Variants in ROR2 observed in about 807,000 individuals in gnomAD.
ROR2 encodes the protein ROR family WNT receptor 2.
Under a neutral mutation model 74.9 loss-of-function variants are expected in ROR2, and 33 were observed. The ratio of observed to expected loss-of-function variants is 0.44; its 90% CI spans 0.33 to 0.59. The LOEUF is 0.59. Among genes scored for constraint, ROR2 ranks in the 20% least tolerant of loss-of-function variants. The probability of loss-of-function intolerance (pLI) is 0.02; values close to 1 mark genes in which losing one functional copy is unlikely to be tolerated. For synonymous variants in ROR2, 586 were observed against 558.7 expected, an observed-to-expected ratio of 1.05 and a Z score of -0.69; for missense variants, 1,216 against 1,313.8, an observed-to-expected ratio of 0.93 and a Z score of 1.15.
At chr9:91,840,492 G>C (rs1386308992) in intron 1 of ROR2, among the ~76,000 whole-genome samples, 6 of 152,200 alleles carry the variant, frequency 3.9e-5, no homozygotes, top group Non-Finnish European at 8.8e-5. Flanking sequence ...AGAGATGTCT[G>C]ACGTTTTCTT....
rs374046428 is a variant in ROR2 at position 91,950,207 on chromosome 9, G to A, written c.-244C>T. The stretch of plus-strand genomic sequence containing the variant: ...GGCTGGGGCGTCCCGCCGGCCGCCA[G>A]GACGAGCGCGGGGGGCGGACCGCGG... On this transcript the variant is annotated 5_prime_UTR_variant, in exon 1 of 9. Transcript: ENST00000375708. 88 of 256,224 alleles carry A rather than the reference G, an allele frequency of 3.4e-4. 2 individuals carry two copies. Among genetic ancestry groups the A allele is most frequent in the East Asian group, 2.9e-3 (42 of 14,506 alleles). The allele number at this position is 256,224 out of a possible 1,614,324, so 15.9% of individuals were successfully genotyped here.
intron 1 of ROR2, among the ~76,000 whole-genome samples, chr9:91,897,044 C>CG (rs1830553730): frequency 1.3e-5 from 2 of 152,206 alleles, no homozygotes. Flanking sequence ...GCTCCTCTTC[C>CG]GTGTTCGGTG....
intron 1 of ROR2, among the ~76,000 whole-genome samples, chr9:91,790,552 A>G (rs924152095): frequency 3.3e-5 from 5 of 152,116 alleles, no homozygotes; most frequent in African/African-American, 1.2e-4. Context: ...AATTATGTCC[A>G]GTACATAATA....
At chr9:91,770,863 A>G (rs926943114) in intron 2 of ROR2, among the ~76,000 whole-genome samples, 1 of 152,228 alleles carries the variant, frequency 6.6e-6, no homozygotes, top group African/African-American at 2.4e-5. Flanking sequence ...GCATGCCAGG[A>G]GTTCCAGAAT....
At chr9:91,735,606 C>CTTTTTGTTTTTTTTTTTT (rs1824990692) in intron 5 of ROR2, among the ~76,000 whole-genome samples, 1 of 79,000 alleles carries the variant, frequency 1.3e-5, no homozygotes, top group Non-Finnish European at 2.4e-5. Context: ...AGGGCTCTAA[C>CTTTTTGTTTTTTTTTTTT]TTTTTTTTTT....
chr9:91,911,788 T>C (rs1830988175), intron 1 of ROR2, among the ~76,000 whole-genome samples: 1 of 151,996 alleles, frequency 6.6e-6, no homozygotes, highest in East Asian at 1.9e-4. Flanking sequence ...AGCTTTAAGG[T>C]GGAGAAATCT....
chr9:91,912,259 G>A (rs1249417665), intron 1 of ROR2, among the ~76,000 whole-genome samples: 1 of 152,174 alleles, frequency 6.6e-6, no homozygotes, highest in Non-Finnish European at 1.5e-5. Context: ...ATTAAGGGAA[G>A]CCGAGTTAAA....
chr9:91,821,460 T>C (rs977154537), intron 1 of ROR2, among the ~76,000 whole-genome samples: 1 of 152,180 alleles, frequency 6.6e-6, no homozygotes, highest in South Asian at 2.1e-4. Context: ...CCTTTCCACA[T>C]TGGCTGCCTG....
intron 4 of ROR2, among the ~76,000 whole-genome samples, chr9:91,754,183 T>C (rs1231694859): frequency 6.6e-6 from 1 of 151,506 alleles, no homozygotes; most frequent in Admixed American, 6.6e-5. Context: ...TGTAAAAATA[T>C]TGTGAAATAA....
chr9:91,948,907 G>T, intron 1 of ROR2: 1 of 985,240 alleles, frequency 1.0e-6, no homozygotes, highest in Non-Finnish European at 1.2e-6. Flanking sequence ...GGTGCTCCCG[G>T]AGTCTGCACC....
intron 1 of ROR2, among the ~76,000 whole-genome samples, chr9:91,808,197 T>A (rs951243836): frequency 6.6e-6 from 1 of 152,158 alleles, no homozygotes; most frequent in Non-Finnish European, 1.5e-5. Context: ...TCTATTAGGA[T>A]CCTGCATTTT....
chr9:91,949,723 C>G (rs1832118580), intron 1 of ROR2, 144 bp downstream of exon 1: 7 of 673,408 alleles, frequency 1.0e-5, no homozygotes, highest in Non-Finnish European at 1.9e-5. Flanking sequence ...CGGCGTCGGG[C>G]GAGATGCGAA....
At position 91,724,282 on chromosome 9, in the gene ROR2, G is replaced by T. The variant is rs56231927; in HGVS notation, c.2212C>A (p.Arg738Ser). ...CWNEFPSRRP[R>S]FKDIHSRLRA... ...AGCCGGCTGTGGATGTCCTTGAAGC[G>T]GGGCCGCCGGCTGGGGAACTCGTTC... The change falls in exon 9 of 9, where the codon CGC (arginine) becomes AGC (serine). Residue 738 changes from arginine to serine, a missense_variant. Transcript: ENST00000375708. 1.9e-6 allele frequency: 3 copies of T among 1,613,260 alleles called. No individual in the cohort carries two copies. The highest frequency in any genetic ancestry group is 1.7e-5 in the Admixed American group (1 of 60,032).
intron 1 of ROR2, among the ~76,000 whole-genome samples, chr9:91,900,986 G>A (rs987059348): frequency 1.3e-5 from 2 of 152,180 alleles, no homozygotes; most frequent in African/African-American, 4.8e-5. Context: ...AAGCTGAAGG[G>A]TTTTTAATGT....
At chr9:91,781,637 G>C (rs984154806) in intron 1 of ROR2, among the ~76,000 whole-genome samples, 4 of 152,130 alleles carry the variant, frequency 2.6e-5, no homozygotes. Context: ...CATTCCAGGT[G>C]GGCTGCCAGT....
intron 4 of ROR2, among the ~76,000 whole-genome samples, chr9:91,753,055 G>T (rs1483730666): frequency 6.6e-6 from 1 of 152,118 alleles, no homozygotes; most frequent in African/African-American, 2.4e-5. Flanking sequence ...TCCTTGATAA[G>T]AAAATTCAAT....
intron 1 of ROR2, among the ~76,000 whole-genome samples, chr9:91,820,277 C>T (rs1828097319): frequency 6.6e-6 from 1 of 152,186 alleles, no homozygotes; most frequent in African/African-American, 2.4e-5. Flanking sequence ...AAGTCTCATC[C>T]TCAAGACCCG....
At chr9:91,799,006 A>G (rs1433854315) in intron 1 of ROR2, among the ~76,000 whole-genome samples, 1 of 152,096 alleles carries the variant, frequency 6.6e-6, no homozygotes, top group Non-Finnish European at 1.5e-5. Flanking sequence ...ACACAGAAAC[A>G]CCAAGCTGAA....
chr9:91,832,601 T>C (rs1384665631), intron 1 of ROR2, among the ~76,000 whole-genome samples: 1 of 152,034 alleles, frequency 6.6e-6, no homozygotes, highest in African/African-American at 2.4e-5. Context: ...GCGGCTTTTC[T>C]GAGAAAGAGG....
Sources: allele counts gnomAD v4.1 joint callset (sites outside exome capture counted in the v4.1 genomes callset), GRCh38; gene constraint gnomAD v4.1.1; transcripts MANE v1.5; gene names NCBI Gene and HGNC (gene_info 2026-07-23, HGNC 2026-07-21).